Variants in FBXL2 observed in about 807,000 individuals in gnomAD.
The protein encoded by FBXL2 is F-box and leucine rich repeat protein 2, also known as F-box/LRR-repeat protein 2.
FBXL2 carries 38 observed loss-of-function variants against 69.2 expected under a neutral mutation model. The observed-to-expected ratio is 0.55, with a 90% CI of 0.42 to 0.72. FBXL2 has a LOEUF of 0.72. Among genes scored for constraint, FBXL2 ranks in the 30% least tolerant of loss-of-function variants. The pLI is 0.00. For missense variants in FBXL2, 354 were observed against 520.3 expected (o/e 0.68, Z 3.11); for synonymous variants, 192 against 201.3 (o/e 0.95, Z 0.39).
intron 5 of FBXL2, among the ~76,000 whole-genome samples, chr3:33,367,732 T>C (rs980699507): frequency 6.6e-6 from 1 of 152,142 alleles, no homozygotes; most frequent in East Asian, 1.9e-4. Flanking sequence ...CTTTATTATT[T>C]CCTTCCTTTT....
intron 2 of FBXL2, among the ~76,000 whole-genome samples, chr3:33,333,171 A>G (rs2039303699): frequency 6.6e-6 from 1 of 152,226 alleles, no homozygotes; most frequent in Non-Finnish European, 1.5e-5. Flanking sequence ...AAATGTGGTT[A>G]CACAACATTC....
chr3:33,367,404 A>G (rs2042023869), intron 5 of FBXL2, among the ~76,000 whole-genome samples: 1 of 152,128 alleles, frequency 6.6e-6, no homozygotes, highest in African/African-American at 2.4e-5. Context: ...ATATGTATAG[A>G]ACTCTTCAGA....
At chr3:33,316,469 T>C (rs866415746) in intron 2 of FBXL2, among the ~76,000 whole-genome samples, 1 of 152,202 alleles carries the variant, frequency 6.6e-6, no homozygotes, top group Non-Finnish European at 1.5e-5. Flanking sequence ...TTCCTATGGC[T>C]CAGAATGCTT....
intron 2 of FBXL2, chr3:33,317,378 G>A (rs1241593508): frequency 2.3e-6 from 1 of 440,456 alleles, no homozygotes; most frequent in African/African-American, 2.0e-5. Context: ...CATAGTTCAG[G>A]GTCTGTGGGT....
At chr3:33,392,342 A>T, downstream of FBXL2, 1 of 459,974 alleles carries the variant, frequency 2.2e-6, no homozygotes, top group Non-Finnish European at 3.8e-6. Context: ...CGTTGGCTGA[A>T]TGAATTGAGA....
intron 2 of FBXL2, among the ~76,000 whole-genome samples, chr3:33,316,284 T>G (rs2037682251): frequency 1.3e-5 from 2 of 151,922 alleles, no homozygotes; most frequent in Non-Finnish European, 2.9e-5. Flanking sequence ...TCTCAAACTC[T>G]TGGACCTCAA....
chr3:33,292,803 TCA>T (rs2035368668), intron 1 of FBXL2, among the ~76,000 whole-genome samples: 3 of 123,220 alleles, frequency 2.4e-5, no homozygotes, highest in African/African-American at 9.4e-5. Flanking sequence ...CCTTGTTAGA[TCA>T]ATCAAAAGAC....
chr3:33,297,223 T>C (rs1363990659), intron 1 of FBXL2, among the ~76,000 whole-genome samples: 2 of 152,210 alleles, frequency 1.3e-5, no homozygotes, highest in African/African-American at 4.8e-5. Context: ...GGAAATACAG[T>C]TTATTTTTAT....
chr3:33,350,244 A>T (rs986442797), intron 2 of FBXL2, among the ~76,000 whole-genome samples: 4 of 152,210 alleles, frequency 2.6e-5, no homozygotes, highest in Non-Finnish European at 5.9e-5. Context: ...TAACATTCAA[A>T]AGTCAGTGTA....
At chr3:33,327,019 T>G (rs1471921901) in intron 2 of FBXL2, among the ~76,000 whole-genome samples, 1 of 152,196 alleles carries the variant, frequency 6.6e-6, no homozygotes, top group Admixed American at 6.5e-5. Flanking sequence ...TTTTCTAAAG[T>G]CCTGTTAAGA....
the FBXL2 span, chr3:33,409,476 T>A: frequency 1.2e-6 from 2 of 1,614,218 alleles, no homozygotes; most frequent in Non-Finnish European, 1.7e-6. Flanking sequence ...GGCAGCTAGC[T>A]GAGTGTAGAT....
intron 13 of FBXL2, among the ~76,000 whole-genome samples, chr3:33,379,614 C>A (rs2042887872): frequency 6.7e-6 from 1 of 150,030 alleles, no homozygotes. Flanking sequence ...CTCGGCCTCC[C>A]AAAACAACTT....
chr3:33,284,284 T>C (rs2034361897), intron 1 of FBXL2, among the ~76,000 whole-genome samples: 3 of 152,232 alleles, frequency 2.0e-5, no homozygotes, highest in South Asian at 2.1e-4. Flanking sequence ...AACATCTTTA[T>C]TTCTGCCTTC....
intron 2 of FBXL2, among the ~76,000 whole-genome samples, chr3:33,343,650 T>G (rs1436879118): frequency 6.6e-6 from 1 of 152,132 alleles, no homozygotes; most frequent in East Asian, 1.9e-4. Context: ...AATAATTATA[T>G]TCAATCTTTA....
At chr3:33,363,743 G>T (rs760087261) in intron 4 of FBXL2, among the ~76,000 whole-genome samples, 21 of 152,138 alleles carry the variant, frequency 1.4e-4, no homozygotes, top group Non-Finnish European at 2.5e-4. Context: ...CCTCCATTTT[G>T]GGAGTGTTCA....
intron 2 of FBXL2, among the ~76,000 whole-genome samples, chr3:33,305,466 A>G (rs1483851652): frequency 1.3e-5 from 2 of 151,902 alleles, no homozygotes; most frequent in Non-Finnish European, 2.9e-5. Flanking sequence ...TCAATACTAC[A>G]TATTTGGTAA....
chr3:33,297,949 CT>C, intron 2 of FBXL2: 1 of 575,186 alleles, frequency 1.7e-6, no homozygotes, highest in South Asian at 1.7e-5. Context: ...GGTCTGGATT[CT>C]TTTTGTAATG....
intron 2 of FBXL2, among the ~76,000 whole-genome samples, chr3:33,357,643 C>T (rs1262287069): frequency 1.3e-5 from 2 of 150,708 alleles, no homozygotes. Context: ...CATTCTCCTG[C>T]CTCAGCCTTT....
intron 2 of FBXL2, among the ~76,000 whole-genome samples, chr3:33,351,721 TTAGAA>T (rs1336063800): frequency 1.3e-5 from 2 of 152,162 alleles, no homozygotes; most frequent in African/African-American, 4.8e-5. Context: ...TACCGCCAGT[TTAGAA>T]TACAGCTTGG....
Sources: gnomAD v4.1 joint callset for allele counts (sites outside exome capture counted in the v4.1 genomes callset) on GRCh38, gnomAD v4.1.1 for gene constraint, MANE v1.5 for transcripts, NCBI Gene and HGNC (gene_info 2026-07-23, HGNC 2026-07-21) for gene names.